The following NRDE2 variants were observed in gnomAD, a reference collection of about 807,000 sequenced individuals.
NRDE2 encodes the protein NRDE-2, necessary for RNA interference, domain containing, also known as nuclear exosome regulator NRDE2.
A neutral mutation model predicts 124.2 loss-of-function variants in NRDE2; 76 were observed. That is an observed-to-expected ratio of 0.61 (90% confidence interval 0.51 to 0.74). The LOEUF (loss-of-function observed/expected upper bound fraction) is 0.74. Ranked by LOEUF, NRDE2 falls within the 30% of genes least tolerant of loss-of-function variation. The pLI is 0.00. For missense variants in NRDE2, 1,314 were observed against 1,417.3 expected, an observed-to-expected ratio of 0.93 and a Z score of 1.17; for synonymous variants, 489 against 528.1, an observed-to-expected ratio of 0.93 and a Z score of 1.01.
chr14:90,298,463 A>G (rs981600792), intron 7 of NRDE2, 83 bp from the exon 8 acceptor site: 2 of 1,354,486 alleles, frequency 1.5e-6, no homozygotes, highest in Admixed American at 3.5e-5. Context: ...TGGTGGATAT[A>G]AGAGAAGCTT....
intron 8 of NRDE2, among the ~76,000 whole-genome samples, chr14:90,296,112 C>A (rs138559131): frequency 6.6e-6 from 1 of 152,090 alleles, no homozygotes; most frequent in Non-Finnish European, 1.5e-5. Flanking sequence ...CACAGCAAAC[C>A]GTGTAACAGA....
chr14:90,326,425 C>T lies in NRDE2; in HGVS notation c.64+5416G>A, dbSNP rs1318279732. On this transcript the variant is annotated intron_variant, in intron 1 of 13. Coordinates refer to ENST00000354366, the MANE Select transcript of NRDE2 (RefSeq NM_017970.4). ...AGGAGAATGGCGTGAACCCGGGAAG[C>T]GGAGCTTGCAGTGAGCCGAGATCGC... Among the ~76,000 whole-genome samples, 5 of 147,412 alleles carry T rather than the reference C, an allele frequency of 3.4e-5. No individual in the cohort carries two copies. In the East Asian group the frequency reaches 6.1e-4, roughly 18 times the overall value.
intron 8 of NRDE2, among the ~76,000 whole-genome samples, chr14:90,297,796 C>T (rs903199456): frequency 6.6e-6 from 1 of 151,976 alleles, no homozygotes; most frequent in African/African-American, 2.4e-5. Context: ...CAAAAATTAG[C>T]TGGGCATGGT....
At chr14:90,294,956 G>T (rs1229737264) in intron 8 of NRDE2, among the ~76,000 whole-genome samples, 1 of 152,254 alleles carries the variant, frequency 6.6e-6, no homozygotes, top group South Asian at 2.1e-4. Context: ...AGGGGGAAGG[G>T]GCAGACGTGG....
intron 1 of NRDE2, among the ~76,000 whole-genome samples, chr14:90,329,861 GA>G (rs1885600026): frequency 7.0e-6 from 1 of 143,202 alleles, no homozygotes; most frequent in African/African-American, 2.6e-5. Flanking sequence ...AAAAGTAAAA[GA>G]AAAAAATATT....
At chr14:90,293,820 A>G (rs565796403) in intron 8 of NRDE2, among the ~76,000 whole-genome samples, 10 of 152,254 alleles carry the variant, frequency 6.6e-5, no homozygotes, top group Non-Finnish European at 1.5e-4. Flanking sequence ...GAAGAAAGCC[A>G]GAGTTATCTG....
intron 12 of NRDE2, among the ~76,000 whole-genome samples, chr14:90,284,165 G>C (rs1021780171): frequency 6.6e-6 from 1 of 152,024 alleles, no homozygotes; most frequent in Non-Finnish European, 1.5e-5. Context: ...AGACACACCC[G>C]ATGAATTCTG....
chr14:90,319,005 G>A (rs1595076477), intron 1 of NRDE2, among the ~76,000 whole-genome samples: 1 of 152,112 alleles, frequency 6.6e-6, no homozygotes, highest in Admixed American at 6.6e-5. Flanking sequence ...TTATATAAAT[G>A]TGAATACTGT....
intron 12 of NRDE2, among the ~76,000 whole-genome samples, chr14:90,284,071 G>A (rs747775666): frequency 6.6e-6 from 1 of 151,976 alleles, no homozygotes; most frequent in Non-Finnish European, 1.5e-5. Context: ...ATTCCTGAGT[G>A]TGCCCATGAG....
chr14:90,326,635 G>T (rs1566703802), intron 1 of NRDE2, among the ~76,000 whole-genome samples: 1 of 152,140 alleles, frequency 6.6e-6, no homozygotes, highest in South Asian at 2.1e-4. Context: ...TGGAGAAACA[G>T]AGATGGAAGG....
At chr14:90,315,510 A>G (rs1749689936) in intron 3 of NRDE2, among the ~76,000 whole-genome samples, 1 of 152,190 alleles carries the variant, frequency 6.6e-6, no homozygotes, top group Non-Finnish European at 1.5e-5. Context: ...TAAATGAGCA[A>G]TAATTCAGGT....
intron 4 of NRDE2, among the ~76,000 whole-genome samples, chr14:90,307,923 T>C (rs1236716853): frequency 6.6e-6 from 1 of 152,184 alleles, no homozygotes; most frequent in African/African-American, 2.4e-5. Context: ...ACTCAGCTTA[T>C]TTTTTGTAGA....
At position 90,292,847 on chromosome 14, in the gene NRDE2, C is replaced by T; in HGVS notation, c.1692G>A (p.Glu564=). Residue 564 remains glutamate, a synonymous_variant, in exon 9 of 14, where the codon GAG becomes GAA. Coordinates refer to ENST00000354366, the MANE Select transcript of NRDE2 (RefSeq NM_017970.4). ...TCTTATCTTTTATTTCCTGGTCATC[C>T]TCTTCTGGTTCATCGTCATCCTCAT... The part of the protein sequence containing the change: ...NPDEDDDEPE[E]DDQEIKDKTL... 6.2e-7 allele frequency: 1 copy of T among 1,614,068 alleles called. No individual in the cohort carries two copies. Among genetic ancestry groups the T allele is most frequent in the South Asian group, 1.1e-5 (1 of 91,080 alleles).
chr14:90,321,808 CT>C (rs1316902313), intron 1 of NRDE2, among the ~76,000 whole-genome samples: 1 of 152,184 alleles, frequency 6.6e-6, no homozygotes, highest in Non-Finnish European at 1.5e-5. Flanking sequence ...AGTCCATGGA[CT>C]TCCAAACTTT....
chr14:90,328,344 C>T (rs1429763476), intron 1 of NRDE2, among the ~76,000 whole-genome samples: 3 of 151,236 alleles, frequency 2.0e-5, no homozygotes, highest in Non-Finnish European at 4.4e-5. Flanking sequence ...TTTATCCTGT[C>T]TTTCCTGCCT....
intron 8 of NRDE2, among the ~76,000 whole-genome samples, chr14:90,296,710 C>T (rs1001827409): frequency 3.9e-5 from 6 of 152,202 alleles, no homozygotes; most frequent in East Asian, 1.9e-4. Context: ...GAACTTTCAA[C>T]GAAATCATCA....
Position 90,271,387 on chromosome 14 carries a change from C to G in NRDE2, c.*6949G>C, listed in dbSNP as rs767479783. 3.3e-5 allele frequency: 5 copies of G among 152,110 alleles called. No individual in the cohort carries two copies. The highest frequency in any genetic ancestry group is 7.4e-5 in the Non-Finnish European group (5 of 68,026). 9.4% of individuals were successfully genotyped at this position (152,110 alleles called of 1,614,324 possible). A position where few individuals can be genotyped will look rare whatever the true frequency, so the allele number is the denominator to read the frequency against. Reference sequence around the variant, plus strand: ...TATTTCCTTCATTTCTCTTTCCTTTCTAAACAGATCAGGCCTAAAACAATA... The same window carrying G: ...TATTTCCTTCATTTCTCTTTCCTTTGTAAACAGATCAGGCCTAAAACAATA... On this transcript the variant is annotated 3_prime_UTR_variant, in exon 14 of 14. Coordinates refer to ENST00000354366, the MANE Select transcript of NRDE2 (RefSeq NM_017970.4).
At position 90,292,785 on chromosome 14, in the gene NRDE2, C is replaced by G. The variant is rs769347186; in HGVS notation, c.1754G>C (p.Arg585Pro). The stretch of plus-strand genomic sequence containing the variant: ...CCGCCAGTGCCTCTGGTCACGGGAA[C>G]GCTCAGCAGCAAGCCAGATCTGCCA... Reference protein sequence around the residue: ...PRWQIWLAAERSRDQRHWRPW... With the variant: ...PRWQIWLAAEPSRDQRHWRPW... Residue 585 changes from arginine to proline, a missense_variant, in exon 9 of 14, where the codon CGT (arginine) becomes CCT (proline). By Grantham distance (103) the Arg-to-Pro change is moderately radical. Coordinates refer to ENST00000354366, the MANE Select transcript of NRDE2 (RefSeq NM_017970.4). 1.2e-6 allele frequency: 2 copies of G among 1,614,194 alleles called. No homozygotes were observed. The highest frequency in any genetic ancestry group is 1.7e-6 in the Non-Finnish European group (2 of 1,180,024).
chr14:90,318,216 T>C (rs1885117667), intron 1 of NRDE2, 103 bp from the exon 2 acceptor site: 1 of 848,708 alleles, frequency 1.2e-6, no homozygotes, highest in East Asian at 2.5e-5. Flanking sequence ...TCACAGCCAA[T>C]GCCAGCCAGA....
Sources: allele counts gnomAD v4.1 joint callset (sites outside exome capture counted in the v4.1 genomes callset), GRCh38; gene constraint gnomAD v4.1.1; transcripts MANE v1.5; gene names NCBI Gene and HGNC (gene_info 2026-07-23, HGNC 2026-07-21).